Variants in C14orf39 observed in about 807,000 individuals in gnomAD.
The protein encoded by C14orf39 is protein SIX6OS1.
C14orf39 carries 66 observed loss-of-function variants against 85.6 expected under a neutral mutation model. The ratio of observed to expected loss-of-function variants is 0.77; its 90% CI spans 0.63 to 0.95. The LOEUF is 0.95. Among genes scored for constraint, C14orf39 ranks in the 40% least tolerant of loss-of-function variants. The pLI is 0.00. For synonymous variants in C14orf39, 242 were observed against 214.0 expected, an observed-to-expected ratio of 1.13 and a Z score of -1.14; for missense variants, 735 against 663.9, an observed-to-expected ratio of 1.11 and a Z score of -1.18.
chr14:60,478,461 G>T lies in C14orf39; in HGVS notation c.234-72C>A, dbSNP rs565924161. ...AAATTGATAGAGATAATAAAAAAAA[G>T]AACATAATTATTTAAAGAGAAACGA... On this transcript the variant is annotated intron_variant, in intron 4 of 17. Transcript: ENST00000321731. The T allele has an allele frequency of 4.5e-4, 326 of 726,764 alleles. No individual in the cohort carries two copies. The African/African-American group carries it at 5.8e-3, about 13-fold the overall frequency. The allele number at this position is 726,764 out of a possible 1,614,324, so 45.0% of individuals were successfully genotyped here.
chr14:60,502,219 C>T (rs1431291755), intron 1 of C14orf39, among the ~76,000 whole-genome samples: 1 of 152,138 alleles, frequency 6.6e-6, no homozygotes, highest in Non-Finnish European at 1.5e-5. Flanking sequence ...ATCTATCTCA[C>T]AGTTTTAACA....
chr14:60,441,843 A>T (rs755447208), intron 17 of C14orf39, among the ~76,000 whole-genome samples: 18 of 152,188 alleles, frequency 1.2e-4, no homozygotes, highest in Non-Finnish European at 2.4e-4. Context: ...CAAGATACCC[A>T]TAATGTTTGA....
In C14orf39 at chr14:60,465,962, A is replaced by G. The variant is rs754320584; in HGVS notation, c.972+17T>C. The stretch of plus-strand genomic sequence containing the variant: ...AAGCAGGTATTTAATTTATACTACT[A>G]AAAGTGAGACACCTACCTGTGTATC... On this transcript the variant is annotated intron_variant, in intron 11 of 17. Transcript: ENST00000321731. 6.8e-6 allele frequency: 10 copies of G among 1,462,112 alleles called. No individual in the cohort carries two copies. The highest frequency in any genetic ancestry group is 7.4e-6 in the Non-Finnish European group (8 of 1,082,890). The allele number at this position is 1,462,112 out of a possible 1,614,324, so 90.6% of individuals were successfully genotyped here.
chr14:60,448,140 C>T (rs1203690872), intron 16 of C14orf39, among the ~76,000 whole-genome samples: 2 of 152,126 alleles, frequency 1.3e-5, no homozygotes, highest in East Asian at 3.9e-4. Flanking sequence ...TGGCCGAGGA[C>T]TTCATGACCA....
At chr14:60,457,985 TA>T (rs1891354788) in intron 14 of C14orf39, among the ~76,000 whole-genome samples, 1 of 151,972 alleles carries the variant, frequency 6.6e-6, no homozygotes, top group Non-Finnish European at 1.5e-5. Flanking sequence ...TTTTAATTTT[TA>T]AAAAAATTTA....
chr14:60,464,763 C>T (rs965476216), intron 11 of C14orf39, among the ~76,000 whole-genome samples: 1 of 151,894 alleles, frequency 6.6e-6, no homozygotes, highest in African/African-American at 2.4e-5. Flanking sequence ...TAGCATATAC[C>T]TGTATTTGTT....
At chr14:60,455,859 GTTGT>G (rs768512730) in intron 15 of C14orf39, among the ~76,000 whole-genome samples, 2 of 152,048 alleles carry the variant, frequency 1.3e-5, no homozygotes, top group African/African-American at 2.4e-5. Context: ...TGCACAGTTT[GTTGT>G]TTGTTAAATT....
chr14:60,514,179 G>A (rs77527709), intron 1 of C14orf39, among the ~76,000 whole-genome samples: 4,582 of 152,152 alleles, frequency 0.03, 238 homozygotes, highest in African/African-American at 0.1. Flanking sequence ...CATTTAAAGG[G>A]TTTCTTTTTA....
intron 1 of C14orf39, among the ~76,000 whole-genome samples, chr14:60,513,598 T>G (rs1458289736): frequency 1.3e-5 from 2 of 152,168 alleles, no homozygotes; most frequent in African/African-American, 4.8e-5. Context: ...AGAAGTTTGT[T>G]GGCAAATTTT....
chr14:60,455,001 C>T lies in C14orf39; in HGVS notation c.1503G>A (p.Gln501=), dbSNP rs541354624. The T allele has an allele frequency of 6.5e-7, 1 of 1,529,736 alleles. No homozygotes were observed. Among genetic ancestry groups the T allele is most frequent in the Non-Finnish European group, 8.7e-7 (1 of 1,149,486 alleles). The allele number at this position is 1,529,736 out of a possible 1,614,324, so 94.8% of individuals were successfully genotyped here. ...SVFDTEISSD[Q]FNEHYSARNL... ...TAAAACTTTTGGCTTCTCATATTACCTGATCTGATGAGATTTCTGTATCAA... is the reference window on the plus strand; with the variant it reads ...TAAAACTTTTGGCTTCTCATATTACTTGATCTGATGAGATTTCTGTATCAA... The change falls in exon 16 of 18, where the codon CAG becomes CAA. Residue 501 remains glutamine, a splice_region_variant and synonymous_variant. Transcript: ENST00000321731.
intron 16 of C14orf39, among the ~76,000 whole-genome samples, chr14:60,454,087 A>C (rs1891154947): frequency 6.6e-6 from 1 of 151,900 alleles, no homozygotes; most frequent in Non-Finnish European, 1.5e-5. Flanking sequence ...ACTTGTTTTT[A>C]AAATAAGCAT....
In C14orf39 at chr14:60,436,742, T is replaced by G. The variant is rs979317587; in HGVS notation, c.*103A>C. The G allele has an allele frequency of 3.0e-5, 22 of 743,780 alleles. No homozygotes were observed. In the South Asian group the frequency reaches 3.2e-4, roughly 11 times the overall value. The allele number at this position is 743,780 out of a possible 1,614,324, so 46.1% of individuals were successfully genotyped here. ...ATCAAATAATGTAAACATTACTGCT[T>G]TAATCAATAAAAGAAAGCAGTCTTC... On this transcript the variant is annotated 3_prime_UTR_variant, in exon 18 of 18. Coordinates refer to ENST00000321731, the MANE Select transcript of C14orf39 (RefSeq NM_174978.3).
At chr14:60,492,842 G>A (rs1046480321) in intron 2 of C14orf39, among the ~76,000 whole-genome samples, 3 of 152,112 alleles carry the variant, frequency 2.0e-5, no homozygotes, top group Non-Finnish European at 2.9e-5. Flanking sequence ...GCCAGGACTT[G>A]CCTGTTCTAA....
intron 1 of C14orf39, among the ~76,000 whole-genome samples, chr14:60,506,627 C>G (rs1463559511): frequency 6.6e-6 from 1 of 152,166 alleles, no homozygotes; most frequent in African/African-American, 2.4e-5. Flanking sequence ...AAAATTAAAT[C>G]AAGTCCCTTG....
chr14:60,458,668 T>G lies in C14orf39; in HGVS notation c.1179+10A>C. The G allele has an allele frequency of 6.3e-7, 1 of 1,583,294 alleles. No individual in the cohort carries two copies. Among genetic ancestry groups the G allele is most frequent in the Non-Finnish European group, 8.6e-7 (1 of 1,160,038 alleles). On this transcript the variant is annotated intron_variant, in intron 14 of 17. Coordinates refer to ENST00000321731, the MANE Select transcript of C14orf39 (RefSeq NM_174978.3). Reference sequence around the variant, plus strand: ...TTGCTTAGAAATTAGAGATCAAACATTTGACTTACTTGTGAAGTACATTTT... The same window carrying G: ...TTGCTTAGAAATTAGAGATCAAACAGTTGACTTACTTGTGAAGTACATTTT...
chr14:60,498,061 T>TG (rs1893093697), intron 2 of C14orf39, among the ~76,000 whole-genome samples: 1 of 152,204 alleles, frequency 6.6e-6, no homozygotes, highest in Non-Finnish European at 1.5e-5. Context: ...AAAACTTACT[T>TG]GCACCACATT....
chr14:60,475,343 G>A lies in C14orf39; in HGVS notation c.323+2957C>T, dbSNP rs898571560. ...ATCAATTTTATCTTTTCAAAAAACC[G>A]GCTCCTACACAAAAAACCGTTCAAA... On this transcript the variant is annotated intron_variant, in intron 5 of 17. Coordinates refer to ENST00000321731, the MANE Select transcript of C14orf39 (RefSeq NM_174978.3). Among the ~76,000 whole-genome samples, 5 of 151,650 alleles carry A rather than the reference G, an allele frequency of 3.3e-5. No homozygotes were observed. In the East Asian group the frequency reaches 7.7e-4, roughly 23 times the overall value.
intron 16 of C14orf39, among the ~76,000 whole-genome samples, chr14:60,444,186 A>G (rs951549902): frequency 2.0e-5 from 3 of 152,218 alleles, no homozygotes; most frequent in African/African-American, 4.8e-5. Flanking sequence ...ACAAAACTGG[A>G]CAGAAAATGA....
chr14:60,473,209 A>G (rs1193759231), intron 5 of C14orf39, among the ~76,000 whole-genome samples: 2 of 152,132 alleles, frequency 1.3e-5, no homozygotes, highest in Non-Finnish European at 2.9e-5. Context: ...TCTTCTTTTG[A>G]GAAGTGTCTG....
Sources: gnomAD v4.1 joint callset for allele counts (sites outside exome capture counted in the v4.1 genomes callset) on GRCh38, gnomAD v4.1.1 for gene constraint, MANE v1.5 for transcripts, NCBI Gene and HGNC (gene_info 2026-07-23, HGNC 2026-07-21) for gene names.